CACNA1G: variants seen among roughly 807,000 people sequenced by gnomAD.
CACNA1G encodes calcium voltage-gated channel subunit alpha1 G.
CACNA1G carries 67 observed loss-of-function variants against 219.4 expected under a neutral mutation model. The observed-to-expected ratio is 0.31, with a 90% CI of 0.25 to 0.37. CACNA1G has a LOEUF of 0.37. CACNA1G is among the 10% of genes least tolerant of loss of function. The pLI is 1.00. For synonymous variants in CACNA1G, 1,296 were observed against 1,345.3 expected (o/e 0.96, Z 0.80); for missense variants, 2,380 against 3,231.4 (o/e 0.74, Z 6.39).
rs1295847030 is a variant in CACNA1G at position 50,626,219 on chromosome 17, A to G, written c.6602A>G (p.Glu2201Gly). 3 of 1,613,750 alleles carry G rather than the reference A, an allele frequency of 1.9e-6. No individual in the cohort carries two copies. The highest frequency in any genetic ancestry group is 2.5e-6 in the Non-Finnish European group (3 of 1,179,846). Reference sequence around the variant, plus strand: ...CCGCCAGCCCCTTGCCCAGGCCCAGAACCCAACTGGGGCAAGGGCCCTCCA... The same window carrying G: ...CCGCCAGCCCCTTGCCCAGGCCCAGGACCCAACTGGGGCAAGGGCCCTCCA... ...MTPPAPCPGP[E>G]PNWGKGPPET... is the part of the protein sequence containing the mutation. The change falls in exon 38 of 38, where the codon GAA becomes GGA. Residue 2201 changes from glutamate to glycine, a missense_variant. Glu to Gly is a moderately conservative substitution (Grantham distance 98). This residue lies in a region of CACNA1G where 672 missense variants were observed against 670.5 expected (regional missense o/e 1.00). Coordinates refer to ENST00000359106, the MANE Select transcript of CACNA1G (RefSeq NM_018896.5). This position sits in a 1 kb window ranked among gnomAD's most constrained non-coding sequence, Gnocchi z 4.3.
intron 35 of CACNA1G, among the ~76,000 whole-genome samples, chr17:50,622,812 G>A (rs184897821): frequency 7.3e-4 from 111 of 152,298 alleles, no homozygotes; most frequent in African/African-American, 2.6e-3. Flanking sequence ...TGTCCACTAA[G>A]GGAGCAGCTG....
rs60370274 is a variant in CACNA1G at position 50,596,902 on chromosome 17, G to A, written c.3237G>A (p.Ala1079=). ...GCAGCGGGTCGGCAGAGCCTGGGGCGGCCCACGAGATGAAGTCACCGGTAG... is the reference window on the plus strand; with the variant it reads ...GCAGCGGGTCGGCAGAGCCTGGGGCAGCCCACGAGATGAAGTCACCGGTAG... ...TSSSGSAEPG[A]AHEMKSPPSA... The change falls in exon 16 of 38, where the codon GCG becomes GCA. Residue 1079 remains alanine (A), a synonymous_variant. Transcript: ENST00000359106. This position sits in a 1 kb window ranked among gnomAD's most constrained non-coding sequence, Gnocchi z 4.8. 93 of 1,568,862 alleles carry A rather than the reference G, an allele frequency of 5.9e-5. 1 individual carries two copies. Among genetic ancestry groups the A allele is most frequent in the African/African-American group, 1.9e-4 (14 of 73,706 alleles).
chr17:50,570,557 CTGTGTGTGTGTG>C, intron 4 of CACNA1G, among the ~76,000 whole-genome samples: 1 of 132,688 alleles, frequency 7.5e-6, no homozygotes, highest in Non-Finnish European at 1.6e-5. Flanking sequence ...CCCCTGCGCT[CTGTGTGTGTGTG>C]TGTGTGTGTG....
In CACNA1G at chr17:50,617,317, TG is replaced by T. The variant is rs1185319682; in HGVS notation, c.5022-118del. The T allele has an allele frequency of 7.3e-6, 8 of 1,097,396 alleles. No individual in the cohort carries two copies. In the African/African-American group the frequency reaches 9.4e-5, roughly 13 times the overall value. 68.0% of individuals were successfully genotyped at this position (1,097,396 alleles called of 1,614,324 possible). On this transcript the variant is annotated intron_variant, in intron 28 of 37. Coordinates refer to ENST00000359106, the MANE Select transcript of CACNA1G (RefSeq NM_018896.5). The surrounding 1 kb of genome is among the most constrained non-coding windows in gnomAD (Gnocchi z 5.8). ...TAAGCCACGCCTCTTCTCTGTGGGA[TG>T]GGAGGCTGGACCCGCTGATGTCTGC...
intron 25 of CACNA1G, among the ~76,000 whole-genome samples, chr17:50,609,615 C>T (rs1220251141): frequency 5.3e-5 from 8 of 152,302 alleles, no homozygotes; most frequent in Admixed American, 3.3e-4. Flanking sequence ...GCAGGAGAAG[C>T]GGACATCTGT....
chr17:50,611,729 C>G (rs779270969), intron 26 of CACNA1G, among the ~76,000 whole-genome samples: 5 of 152,222 alleles, frequency 3.3e-5, no homozygotes, highest in African/African-American at 9.6e-5. Flanking sequence ...CACTTTCACA[C>G]TCACCCCAAA....
rs370938076 is a variant in CACNA1G, at chr17:50,592,029, C to T, written c.2847C>T (p.Thr949=). ...CCCTTTATTTCATTGCCCTCATGAC[C>T]TTCGGCAACTACGTGCTCTTCAATT... The part of the protein sequence containing the change: ...WAALYFIALM[T]FGNYVLFNLL... The change falls in exon 13 of 38, where the codon ACC becomes ACT. Residue 949 remains threonine, a synonymous_variant. Transcript: ENST00000359106. The T allele has an allele frequency of 4.3e-6, 7 of 1,613,898 alleles. No individual in the cohort carries two copies. The South Asian group carries it at 6.6e-5, about 15-fold the overall frequency.
rs1171164818 is a variant in CACNA1G, at chr17:50,627,029, A to C, written c.*278A>C. The stretch of plus-strand genomic sequence containing the variant: ...GGAGAAAGCAATACGTTTGTGCAGA[A>C]TCTCTATGTATATTCTATTTTATTA... On this transcript the variant is annotated 3_prime_UTR_variant, in exon 38 of 38. Coordinates refer to ENST00000359106, the MANE Select transcript of CACNA1G (RefSeq NM_018896.5). 8.1e-6 allele frequency: 5 copies of C among 615,030 alleles called. No individual in the cohort carries two copies. The Admixed American group carries it at 8.4e-5, about 10-fold the overall frequency. The allele number at this position is 615,030 out of a possible 1,614,324, so 38.1% of individuals were successfully genotyped here.
Position 50,561,182 on chromosome 17 carries a change from T to G in CACNA1G, c.-278T>G, listed in dbSNP as rs1219313342. ...GCGAAGCGAAGAAGCCGGAACAAAGTGAGGGGGAGCCGGCCGGCTGGCCCG... is the reference window on the plus strand; with the variant it reads ...GCGAAGCGAAGAAGCCGGAACAAAGGGAGGGGGAGCCGGCCGGCTGGCCCG... On this transcript the variant is annotated 5_prime_UTR_variant, in exon 1 of 38. Coordinates refer to ENST00000359106, the MANE Select transcript of CACNA1G (RefSeq NM_018896.5). 1.3e-5 allele frequency: 7 copies of G among 545,400 alleles called. No individual in the cohort carries two copies. The highest frequency in any genetic ancestry group is 4.1e-5 in the East Asian group (1 of 24,276). The allele number at this position is 545,400 out of a possible 1,614,324, so 33.8% of individuals were successfully genotyped here. A position where few individuals can be genotyped will look rare whatever the true frequency, so the allele number is the denominator to read the frequency against.
chr17:50,570,400 C>T (rs1041412929), intron 4 of CACNA1G, among the ~76,000 whole-genome samples: 1 of 152,148 alleles, frequency 6.6e-6, no homozygotes, highest in African/African-American at 2.4e-5. Context: ...CATACTGCCC[C>T]CTCCCTTTGC....
chr17:50,602,698 A>C, intron 19 of CACNA1G, 122 bp from the exon 20 acceptor site: 1 of 776,696 alleles, frequency 1.3e-6, no homozygotes, highest in South Asian at 1.5e-5. Flanking sequence ...ATTGTTGTGG[A>C]GGGTGGGGGT....
At chr17:50,575,372 G>C (rs1025923118) in intron 7 of CACNA1G, among the ~76,000 whole-genome samples, 171 bp from the exon 8 acceptor site, 6 of 152,134 alleles carry the variant, frequency 3.9e-5, no homozygotes, top group African/African-American at 1.4e-4. Flanking sequence ...CTGTCTGATG[G>C]AGATTACAAT....
chr17:50,589,872 G>A (rs1274969572), intron 9 of CACNA1G, among the ~76,000 whole-genome samples: 4 of 151,440 alleles, frequency 2.6e-5, no homozygotes, highest in African/African-American at 9.8e-5. Flanking sequence ...CACCATGTGT[G>A]TGACTGGGAA....
intron 8 of CACNA1G, among the ~76,000 whole-genome samples, chr17:50,577,496 T>TGTGTGTGC (rs1309550905): frequency 6.7e-6 from 1 of 150,154 alleles, no homozygotes; most frequent in East Asian, 2.0e-4. Flanking sequence ...GTCCAGTGTG[T>TGTGTGTGC]GTGTGTGCGT....
rs2040529103 is a variant in CACNA1G at position 50,575,870 on chromosome 17, T to A, written c.1468T>A (p.Ser490Thr). The A allele has an allele frequency of 6.4e-7, 1 of 1,552,830 alleles. No homozygotes were observed. The highest frequency in any genetic ancestry group is 8.7e-7 in the Non-Finnish European group (1 of 1,149,430). Residue 490 changes from serine to threonine, a missense_variant, in exon 8 of 38, where the codon TCC (serine) becomes ACC (threonine). Coordinates refer to ENST00000359106, the MANE Select transcript of CACNA1G (RefSeq NM_018896.5). ...SSCSRSHRRLSVHHLVHHHHH... is the reference protein window; with the variant it reads ...SSCSRSHRRLTVHHLVHHHHH... Reference sequence around the variant, plus strand: ...CTGCTCTCGCTCCCACCGCCGCCTATCCGTCCACCACCTGGTGCACCACCA... The same window carrying A: ...CTGCTCTCGCTCCCACCGCCGCCTAACCGTCCACCACCTGGTGCACCACCA...
chr17:50,605,681 G>A (rs1258129311), intron 22 of CACNA1G, among the ~76,000 whole-genome samples: 1 of 152,166 alleles, frequency 6.6e-6, no homozygotes, highest in Non-Finnish European at 1.5e-5. Flanking sequence ...CTTTCCCACT[G>A]CCCGCCCCGA....
At chr17:50,569,447 C>A in intron 3 of CACNA1G, 149 bp downstream of exon 3, 1 of 834,158 alleles carries the variant, frequency 1.2e-6, no homozygotes, top group Non-Finnish European at 1.9e-6. Context: ...GGCTGCCCTG[C>A]CTCTAGCACT....
intron 23 of CACNA1G, chr17:50,606,292 G>A: frequency 1.4e-6 from 1 of 697,884 alleles, no homozygotes; most frequent in Non-Finnish European, 2.7e-6. Context: ...GGGCCACAGA[G>A]CTACATGGTG....
At chr17:50,599,921 T>C in intron 17 of CACNA1G, 62 bp downstream of exon 17, 7 of 1,516,046 alleles carry the variant, frequency 4.6e-6, no homozygotes, top group Non-Finnish European at 5.4e-6. Flanking sequence ...GAGGTGTGCC[T>C]GGCCTGGCAG....
Sources: gnomAD v4.1 joint callset for allele counts (sites outside exome capture counted in the v4.1 genomes callset) on GRCh38, gnomAD v4.1.1 for gene constraint, gnomAD v4.1.1 regional missense constraint, Gnocchi (gnomAD v3.1) non-coding constraint, MANE v1.5 for transcripts, NCBI Gene and HGNC (gene_info 2026-07-23, HGNC 2026-07-21) for gene names.